DLC1: variants seen among roughly 807,000 people sequenced by gnomAD.
The protein encoded by DLC1 is rho GTPase-activating protein 7.
In DLC1, 54 loss-of-function variants were observed where a neutral mutation model predicts 140.3. That is an observed-to-expected ratio of 0.38 (90% CI 0.31 to 0.48). The LOEUF (loss-of-function observed/expected upper bound fraction) is 0.48, where lower values mean the gene tolerates loss of function less well. Ranked by LOEUF, DLC1 falls within the 20% of genes least tolerant of loss-of-function variation. DLC1 has a pLI of 0.96. For synonymous variants in DLC1, 986 were observed against 728.1 expected (o/e 1.35, Z -5.70); for missense variants, 2,536 against 1,907.0 (o/e 1.33, Z -6.14).
chr8:13,450,651 C>T (rs1240619798), intron 2 of DLC1, among the ~76,000 whole-genome samples: 1 of 151,930 alleles, frequency 6.6e-6, no homozygotes, highest in African/African-American at 2.4e-5. Context: ...ATTTTGATGA[C>T]TTCATATTTT....
At position 13,353,178 on chromosome 8, in the gene DLC1, C is replaced by T. The variant is rs555974741; in HGVS notation, c.1314+40375G>A. Among the ~76,000 whole-genome samples the T allele has an allele frequency of 6.6e-5, 10 of 152,244 alleles. No homozygotes were observed. In the East Asian group the frequency reaches 1.7e-3, roughly 27 times the overall value. ...TGAGGCAGGTTAGAGAAGTTAAACC[C>T]AGGTGAGGCCTGCCCTGCCCATTTC... On this transcript the variant is annotated intron_variant, in intron 4 of 17. Transcript: ENST00000276297.
chr8:13,309,444 A>T (rs1166160062), intron 4 of DLC1, among the ~76,000 whole-genome samples: 1 of 152,176 alleles, frequency 6.6e-6, no homozygotes, highest in Non-Finnish European at 1.5e-5. Context: ...ATTTTCATTG[A>T]AGTTGGCCAA....
At chr8:13,532,455 G>C (rs918697046) in intron 1 of DLC1, among the ~76,000 whole-genome samples, 1 of 152,258 alleles carries the variant, frequency 6.6e-6, no homozygotes, top group Admixed American at 6.5e-5. Flanking sequence ...AGAATTCTGA[G>C]AGGAAAGATC....
intron 5 of DLC1, among the ~76,000 whole-genome samples, chr8:13,147,820 T>A (rs1181849750): frequency 6.6e-6 from 1 of 152,068 alleles, no homozygotes; most frequent in Non-Finnish European, 1.5e-5. Context: ...AAACCCCGTC[T>A]CTACTAAAAA....
chr8:13,575,013 T>A (rs1270358513), intron 1 of DLC1, among the ~76,000 whole-genome samples: 1 of 152,198 alleles, frequency 6.6e-6, no homozygotes, highest in African/African-American at 2.4e-5. Context: ...GAGAAATAAA[T>A]ACACAAATAG....
At chr8:13,144,460 A>G (rs1823267845) in intron 5 of DLC1, among the ~76,000 whole-genome samples, 1 of 152,174 alleles carries the variant, frequency 6.6e-6, no homozygotes, top group South Asian at 2.1e-4. Context: ...ACGTGAGACA[A>G]TTCCCTTAAT....
intron 1 of DLC1, among the ~76,000 whole-genome samples, chr8:13,577,805 A>AT (rs1340432752): frequency 6.6e-6 from 1 of 151,910 alleles, no homozygotes; most frequent in Non-Finnish European, 1.5e-5. Context: ...CCCTGCTCAT[A>AT]TTTTTAAGCT....
At chr8:13,523,591 A>G in intron 1 of DLC1, among the ~76,000 whole-genome samples, 1 of 152,186 alleles carries the variant, frequency 6.6e-6, no homozygotes. Context: ...GATGAGATTG[A>G]CGAGAGGGTG....
intron 1 of DLC1, among the ~76,000 whole-genome samples, chr8:13,579,318 TATATATATA>T (rs1563453809): frequency 0.081 from 441 of 5,470 alleles, 62 homozygotes; most frequent in Non-Finnish European, 0.1. Flanking sequence ...TCTGACTTTA[TATATATATA>T]TATATATATA....
intron 1 of DLC1, among the ~76,000 whole-genome samples, chr8:13,508,234 A>G (rs1802195312): frequency 1.3e-5 from 2 of 152,194 alleles, no homozygotes. Context: ...GGCTCAAGCC[A>G]GCCAGATTTG....
chr8:13,142,797 C>A (rs1197448897), intron 5 of DLC1, among the ~76,000 whole-genome samples: 1 of 152,184 alleles, frequency 6.6e-6, no homozygotes, highest in African/African-American at 2.4e-5. Context: ...CGCCTGTAAT[C>A]CCAGCACTTT....
At chr8:13,244,008 G>A (rs991395952) in intron 5 of DLC1, among the ~76,000 whole-genome samples, 1 of 152,150 alleles carries the variant, frequency 6.6e-6, no homozygotes, top group Non-Finnish European at 1.5e-5. Context: ...TTCCTCACCT[G>A]GGGGAACCAC....
chr8:13,587,657 G>A (rs1805377723), intron 1 of DLC1, among the ~76,000 whole-genome samples: 1 of 145,692 alleles, frequency 6.9e-6, no homozygotes, highest in Admixed American at 7.0e-5. Context: ...TGTTTATATA[G>A]GCGATGTTAA....
chr8:13,171,694 T>G (rs2116930408), intron 5 of DLC1, among the ~76,000 whole-genome samples: 1 of 152,238 alleles, frequency 6.6e-6, no homozygotes, highest in South Asian at 2.1e-4. Flanking sequence ...GGCCCACACT[T>G]CCTTTTAAAA....
In DLC1 at chr8:13,188,304, C is replaced by A. The variant is rs1409163587; in HGVS notation, c.1349-72647G>T. 2.1e-4 allele frequency among the ~76,000 whole-genome samples: 32 copies of A among 148,958 alleles called. No individual in the cohort carries two copies. The Admixed American group carries it at 2.2e-3, about 10-fold the overall frequency. ...ACCACATTGGCCAGGCTGGTCTCAG[C>A]CAGCTTTTAAGATGTCTACTTTGGT... On this transcript the variant is annotated intron_variant, in intron 5 of 17. Coordinates refer to ENST00000276297, the MANE Select transcript of DLC1 (RefSeq NM_182643.3).
intron 2 of DLC1, among the ~76,000 whole-genome samples, chr8:13,481,297 C>T (rs985346984): frequency 1.3e-5 from 2 of 151,984 alleles, no homozygotes; most frequent in Admixed American, 6.6e-5. Flanking sequence ...CATGGTGGTG[C>T]ATGCCTGTAG....
intron 4 of DLC1, among the ~76,000 whole-genome samples, chr8:13,308,742 C>T (rs1302759965): frequency 6.6e-6 from 1 of 152,098 alleles, no homozygotes. Flanking sequence ...ACTGGTGTGT[C>T]ATTAAAAAGA....
At position 13,099,490 on chromosome 8, in the gene DLC1, C is replaced by G; in HGVS notation, c.2847G>C (p.Gln949His). The G allele has an allele frequency of 6.2e-7, 1 of 1,614,064 alleles. No homozygotes were observed. Among genetic ancestry groups the G allele is most frequent in the South Asian group, 1.1e-5 (1 of 91,078 alleles). The change falls in exon 9 of 18, where the codon CAG becomes CAC. Residue 949 changes from glutamine to histidine, a missense_variant. Gln to His is a conservative substitution (Grantham distance 24). Coordinates refer to ENST00000276297, the MANE Select transcript of DLC1 (RefSeq NM_182643.3). ...SVSPCPSSPK[Q>H]IHLDVDNDRT... Reference sequence around the variant, plus strand: ...GGTCGTTGTCCACATCCAGGTGTATCTGTTTTGGAGAGGACGGGCAGGGAG... The same window carrying G: ...GGTCGTTGTCCACATCCAGGTGTATGTGTTTTGGAGAGGACGGGCAGGGAG...
chr8:13,532,875 C>G (rs1803145684), intron 1 of DLC1, among the ~76,000 whole-genome samples: 1 of 152,290 alleles, frequency 6.6e-6, no homozygotes, highest in Non-Finnish European at 1.5e-5. Flanking sequence ...TTGCAAAATT[C>G]TTCATGTTAA....
Sources: allele counts gnomAD v4.1 joint callset (sites outside exome capture counted in the v4.1 genomes callset), GRCh38; gene constraint gnomAD v4.1.1; transcripts MANE v1.5; gene names NCBI Gene and HGNC (gene_info 2026-07-23, HGNC 2026-07-21).